The following CFTR variants were observed in gnomAD, a reference collection of about 807,000 sequenced individuals.
The protein encoded by CFTR is cystic fibrosis transmembrane conductance regulator.
A neutral mutation model predicts 171.6 loss-of-function variants in CFTR; 181 were observed. The observed-to-expected ratio is 1.05, with a 90% CI of 0.93 to 1.19. The LOEUF is 1.19. CFTR is among the 50% of genes most tolerant of loss of function. CFTR has a pLI of 0.00. For missense variants in CFTR, 1,968 were observed against 1,734.7 expected (o/e 1.13, Z -2.39); for synonymous variants, 583 against 608.0 (o/e 0.96, Z 0.60).
At chr7:117,565,296 T>A (rs562401611) in intron 11 of CFTR, among the ~76,000 whole-genome samples, 1 of 152,348 alleles carries the variant, frequency 6.6e-6, no homozygotes, top group East Asian at 1.9e-4. Context: ...TAATTGTATT[T>A]TGTTATTAAA....
intron 9 of CFTR, among the ~76,000 whole-genome samples, chr7:117,543,685 A>G (rs1350503857): frequency 6.6e-6 from 1 of 152,206 alleles, no homozygotes; most frequent in Admixed American, 6.5e-5. Context: ...CCCAAATGTC[A>G]TAGGCTAGAG....
intron 11 of CFTR, among the ~76,000 whole-genome samples, chr7:117,572,964 C>G (rs1791716453): frequency 1.3e-5 from 2 of 152,100 alleles, no homozygotes; most frequent in South Asian, 4.1e-4. Flanking sequence ...TCTACAAAGT[C>G]ACAGGAAGCT....
intron 3 of CFTR, among the ~76,000 whole-genome samples, chr7:117,521,473 A>T (rs756802000): frequency 6.6e-6 from 1 of 152,056 alleles, no homozygotes; most frequent in Non-Finnish European, 1.5e-5. Context: ...CTTTATATTC[A>T]AGTTTATTAA....
intron 15 of CFTR, among the ~76,000 whole-genome samples, chr7:117,597,738 C>T (rs1015430191): frequency 4.0e-5 from 6 of 151,146 alleles, no homozygotes; most frequent in Non-Finnish European, 8.8e-5. Context: ...CACTTGCTTA[C>T]AGAAATTTTG....
At chr7:117,501,456 C>T (rs548529205) in intron 1 of CFTR, among the ~76,000 whole-genome samples, 4 of 151,518 alleles carry the variant, frequency 2.6e-5, no homozygotes, top group African/African-American at 7.2e-5. Flanking sequence ...ATTAAAAACT[C>T]AAAAGTTGGC....
At chr7:117,658,402 T>G (rs1276945777) in intron 24 of CFTR, among the ~76,000 whole-genome samples, 1 of 152,162 alleles carries the variant, frequency 6.6e-6, no homozygotes, top group Non-Finnish European at 1.5e-5. Flanking sequence ...CTTCACTTGG[T>G]CATCCTTTAA....
chr7:117,604,534 G>A (rs1792274640), intron 17 of CFTR, among the ~76,000 whole-genome samples: 1 of 152,128 alleles, frequency 6.6e-6, no homozygotes, highest in African/African-American at 2.4e-5. Context: ...CAGGTGAGAG[G>A]AGGAGTTGAC....
chr7:117,592,566 C>T lies in CFTR; in HGVS notation c.2399C>T (p.Ala800Val), dbSNP rs397508373. 6.6e-7 allele frequency: 1 copy of T among 1,522,322 alleles called. No homozygotes were observed. The highest frequency in any genetic ancestry group is 2.3e-5 in the East Asian group (1 of 44,162). 94.3% of individuals were successfully genotyped at this position (1,522,322 alleles called of 1,614,324 possible). A position where few individuals can be genotyped will look rare whatever the true frequency, so the allele number is the denominator to read the frequency against. ...STRKVSLAPQ[A>V]NLTELDIYSR... Reference sequence around the variant, plus strand: ...CGAAAAGTGTCACTGGCCCCTCAGGCAAACTTGACTGAACTGGATATATAT... The same window carrying T: ...CGAAAAGTGTCACTGGCCCCTCAGGTAAACTTGACTGAACTGGATATATAT... Residue 800 changes from alanine (A) to valine (V), a missense_variant, in exon 14 of 27, where the codon GCA (alanine) becomes GTA (valine). By Grantham distance (64) the Ala-to-Val change is moderately conservative (BLOSUM62 0). Transcript: ENST00000003084.
chr7:117,541,456 C>T (rs570236573), intron 8 of CFTR, among the ~76,000 whole-genome samples: 4 of 152,224 alleles, frequency 2.6e-5, no homozygotes, highest in South Asian at 2.1e-4. Context: ...CTTCAGTATG[C>T]GTGGACTTAA....
intron 21 of CFTR, among the ~76,000 whole-genome samples, chr7:117,625,488 A>G (rs1330454718): frequency 2.6e-5 from 4 of 152,180 alleles, no homozygotes; most frequent in African/African-American, 4.8e-5. Context: ...TAATACTACT[A>G]TGTGTAATTT....
chr7:117,661,983 G>GAAAAAA (rs57319132), intron 24 of CFTR, among the ~76,000 whole-genome samples: 2 of 87,490 alleles, frequency 2.3e-5, no homozygotes, highest in East Asian at 3.8e-4. Flanking sequence ...TAATTTTACT[G>GAAAAAA]AAAAAAAAAA....
rs368505753 is a variant in CFTR, at chr7:117,509,069, C to T, written c.200C>T (p.Pro67Leu). ...AGAGAGCTGGCTTCAAAGAAAAATC[C>T]TAAACTCATTAATGCCCTTCGGCGA... ...WDRELASKKN[P>L]KLINALRRCF... is the part of the protein sequence containing the mutation. Residue 67 changes from proline (P) to leucine (L), a missense_variant, in exon 3 of 27, where the codon CCT becomes CTT. Transcript: ENST00000003084. The T allele has an allele frequency of 1.1e-4, 176 of 1,612,926 alleles. No homozygotes were observed. Among genetic ancestry groups the T allele is most frequent in the Non-Finnish European group, 1.4e-4 (162 of 1,179,320 alleles).
chr7:117,647,778 C>T (rs900842516), intron 23 of CFTR, among the ~76,000 whole-genome samples: 12 of 151,842 alleles, frequency 7.9e-5, no homozygotes, highest in African/African-American at 9.7e-5. Flanking sequence ...ACCTTGGCCT[C>T]CCAAAGCACT....
rs562377323 is a variant in CFTR, at chr7:117,577,152, G to C, written c.1585-10587G>C. ...CAGGCATTTTAGACAAAGGGAACAG[G>C]AAATGTGAAAACACAAAGTGATGGA... On this transcript the variant is annotated intron_variant, in intron 11 of 26. Coordinates refer to ENST00000003084, the MANE Select transcript of CFTR (RefSeq NM_000492.4). 2.6e-5 allele frequency among the ~76,000 whole-genome samples: 4 copies of C among 152,226 alleles called. No individual in the cohort carries two copies. In the South Asian group the frequency reaches 8.3e-4, roughly 32 times the overall value.
rs796991857 is a variant in CFTR at position 117,501,776 on chromosome 7, CAA to C, written c.54-2462_54-2461del. Among the ~76,000 whole-genome samples, 11 of 84,350 alleles carry C rather than the reference CAA, an allele frequency of 1.3e-4. No homozygotes were observed. The East Asian group carries it at 2.1e-3, about 16-fold the overall frequency. 55.3% of individuals were successfully genotyped at this position (84,350 alleles called of 152,430 possible). The stretch of plus-strand genomic sequence containing the variant: ...AAAAAAAAAAAAAAAAAAAAAGAAA[CAA>C]AAAAAAAAAAAAAACAAAAAGCAAA... On this transcript the variant is annotated intron_variant, in intron 1 of 26. Coordinates refer to ENST00000003084, the MANE Select transcript of CFTR (RefSeq NM_000492.4).
At chr7:117,548,304 G>A (rs1331805357) in intron 9 of CFTR, among the ~76,000 whole-genome samples, 1 of 151,012 alleles carries the variant, frequency 6.6e-6, no homozygotes, top group East Asian at 1.9e-4. Flanking sequence ...AAATAATAGT[G>A]TTTATGTACC....
chr7:117,666,405 C>G (rs913888283), intron 26 of CFTR, among the ~76,000 whole-genome samples: 2 of 152,164 alleles, frequency 1.3e-5, no homozygotes, highest in African/African-American at 4.8e-5. Context: ...GGGGGGCAGA[C>G]TCACAACCTC....
intron 1 of CFTR, among the ~76,000 whole-genome samples, chr7:117,494,579 C>T (rs759987370): frequency 9.2e-5 from 14 of 151,880 alleles, no homozygotes; most frequent in South Asian, 2.1e-4. Context: ...AATGATGGCT[C>T]GGAAAAATAT....
chr7:117,640,928 T>A (rs1792902378), intron 22 of CFTR, among the ~76,000 whole-genome samples: 1 of 152,162 alleles, frequency 6.6e-6, no homozygotes. Flanking sequence ...AGCCAGGTGC[T>A]AAGAATTCAA....
Sources: allele counts gnomAD v4.1 joint callset (sites outside exome capture counted in the v4.1 genomes callset), GRCh38; gene constraint gnomAD v4.1.1; transcripts MANE v1.5; gene names NCBI Gene and HGNC (gene_info 2026-07-23, HGNC 2026-07-21).